CLNK: variants seen among roughly 807,000 people sequenced by gnomAD.
The protein encoded by CLNK is cytokine-dependent hematopoietic cell linker.
In CLNK, 74 loss-of-function variants were observed where a neutral mutation model predicts 68.6. The observed-to-expected ratio is 1.08, with a 90% CI of 0.89 to 1.31. The LOEUF (loss-of-function observed/expected upper bound fraction) is 1.31, where lower values mean the gene tolerates loss of function less well. Ranked by LOEUF, CLNK falls within the 50% of genes most tolerant of loss-of-function variation. The probability of loss-of-function intolerance (pLI) is 0.00; values close to 1 mark genes in which losing one functional copy is unlikely to be tolerated. For missense variants in CLNK, 553 were observed against 515.3 expected (o/e 1.07, Z -0.71); for synonymous variants, 198 against 172.2 (o/e 1.15, Z -1.17).
chr4:10,698,815 T>C, the CLNK span, among the ~76,000 whole-genome samples: 1 of 152,156 alleles, frequency 6.6e-6, no homozygotes, highest in Admixed American at 6.5e-5. Flanking sequence ...TGAATGAGAT[T>C]AACATGTGAG....
intron 18 of CLNK, among the ~76,000 whole-genome samples, chr4:10,491,889 T>G (rs535146803): frequency 6.6e-6 from 1 of 152,354 alleles, no homozygotes; most frequent in Non-Finnish European, 1.5e-5. Flanking sequence ...ATACATTGTA[T>G]GTACCCAGTA....
chr4:10,576,947 C>T (rs1384532681), intron 4 of CLNK, among the ~76,000 whole-genome samples: 1 of 152,166 alleles, frequency 6.6e-6, no homozygotes, highest in African/African-American at 2.4e-5. Context: ...CATCTATGCC[C>T]CCATTTAGTG....
rs374899640 is a variant in CLNK, at chr4:10,539,538, G to A, written c.602+956C>T. Reference sequence around the variant, plus strand: ...CTTCATTCTATGCAGAAACAAGGAGGAAATGCTGATCACTTTTCTGACTTT... The same window carrying A: ...CTTCATTCTATGCAGAAACAAGGAGAAAATGCTGATCACTTTTCTGACTTT... On this transcript the variant is annotated intron_variant, in intron 11 of 18. Transcript: ENST00000226951. Among the ~76,000 whole-genome samples the A allele has an allele frequency of 6.6e-5, 10 of 152,282 alleles. No individual in the cohort carries two copies. In the East Asian group the frequency reaches 1.4e-3, roughly 21 times the overall value.
At chr4:10,581,035 G>A (rs1720761948) in intron 4 of CLNK, among the ~76,000 whole-genome samples, 2 of 152,064 alleles carry the variant, frequency 1.3e-5, no homozygotes, top group Admixed American at 6.6e-5. Flanking sequence ...TATCTTTTAT[G>A]TTGTATTTCT....
At position 10,548,903 on chromosome 4, in the gene CLNK, G is replaced by A. The variant is rs142211324; in HGVS notation, c.446-6623C>T. The stretch of plus-strand genomic sequence containing the variant: ...GCATGTTTGGTGTACCACTGACCAC[G>A]ACAGCCCTGTCATGTAATTTGAAAT... On this transcript the variant is annotated intron_variant, in intron 8 of 18. Transcript: ENST00000226951. Among the ~76,000 whole-genome samples the A allele has an allele frequency of 2.4e-3, 365 of 152,306 alleles. 2 individuals are homozygous for A. Among genetic ancestry groups the A allele is most frequent in the South Asian group, 3.9e-3 (19 of 4,824 alleles).
chr4:10,640,346 G>A (rs985432908), intron 2 of CLNK, among the ~76,000 whole-genome samples: 1 of 152,088 alleles, frequency 6.6e-6, no homozygotes, highest in Non-Finnish European at 1.5e-5. Context: ...TGTATTTTTT[G>A]TAGAGGCAGG....
intron 18 of CLNK, among the ~76,000 whole-genome samples, chr4:10,497,055 T>C (rs915873705): frequency 6.6e-6 from 1 of 152,250 alleles, no homozygotes; most frequent in Non-Finnish European, 1.5e-5. Context: ...CAACTGGTAA[T>C]GGAAGTCAAT....
chr4:10,682,830 G>C (rs1369740767), intron 1 of CLNK, among the ~76,000 whole-genome samples: 1 of 152,060 alleles, frequency 6.6e-6, no homozygotes, highest in Admixed American at 6.6e-5. Flanking sequence ...GTATTCAAAG[G>C]CCTACATTAC....
intron 12 of CLNK, chr4:10,531,630 G>A (rs1718545494): frequency 2.5e-6 from 1 of 403,380 alleles, no homozygotes; most frequent in Admixed American, 3.0e-5. Flanking sequence ...TTGTAGAGAT[G>A]GGGTTTCTTC....
chr4:10,590,714 T>G (rs1721152802), intron 3 of CLNK, among the ~76,000 whole-genome samples: 1 of 152,144 alleles, frequency 6.6e-6, no homozygotes, highest in African/African-American at 2.4e-5. Context: ...CTTCTAAGAG[T>G]TACTCATTTT....
the CLNK span, among the ~76,000 whole-genome samples, chr4:10,720,842 C>T: frequency 1.3e-5 from 2 of 151,190 alleles, no homozygotes; most frequent in East Asian, 3.9e-4. Flanking sequence ...GCATTTATCC[C>T]AGAGAAATGA....
At chr4:10,725,906 G>A in the CLNK span, among the ~76,000 whole-genome samples, 14 of 152,056 alleles carry the variant, frequency 9.2e-5, no homozygotes, top group Non-Finnish European at 1.9e-4. Flanking sequence ...CTATAAATGC[G>A]GTATTGCAGA....
At chr4:10,671,955 T>G (rs751755337) in intron 1 of CLNK, among the ~76,000 whole-genome samples, 3 of 152,122 alleles carry the variant, frequency 2.0e-5, no homozygotes, top group African/African-American at 7.2e-5. Context: ...GTACGCAAAA[T>G]AGCTCGCTTT....
At chr4:10,582,614 G>A (rs573510504) in intron 4 of CLNK, among the ~76,000 whole-genome samples, 6 of 152,122 alleles carry the variant, frequency 3.9e-5, no homozygotes, top group Non-Finnish European at 7.4e-5. Context: ...ATCAGCCTCC[G>A]AGAAGGTATT....
the CLNK span, among the ~76,000 whole-genome samples, chr4:10,725,878 A>C: frequency 6.6e-6 from 1 of 151,884 alleles, no homozygotes; most frequent in Non-Finnish European, 1.5e-5. Flanking sequence ...AAAAGAAAAA[A>C]CGTTTAAAAG....
chr4:10,586,047 C>T (rs563887009), intron 3 of CLNK, among the ~76,000 whole-genome samples: 12 of 152,194 alleles, frequency 7.9e-5, no homozygotes, highest in East Asian at 7.7e-4. Context: ...CTCTCATGCA[C>T]GGTTCACGGT....
chr4:10,519,534 C>T (rs2012249), intron 15 of CLNK, among the ~76,000 whole-genome samples: 141,585 of 152,226 alleles, frequency 0.93, 66,202 homozygotes, highest in Non-Finnish European at 0.98. Context: ...GGATTGATTT[C>T]GTTGGGTTTA....
At chr4:10,660,770 C>A (rs1380385823) in intron 2 of CLNK, among the ~76,000 whole-genome samples, 2 of 152,222 alleles carry the variant, frequency 1.3e-5, no homozygotes, top group Non-Finnish European at 2.9e-5. Context: ...CACCGACCAT[C>A]TTTATTGAGT....
In CLNK at chr4:10,594,345, G is replaced by A. The variant is rs541145321; in HGVS notation, c.83+3633C>T. Among the ~76,000 whole-genome samples, 22 of 152,318 alleles carry A rather than the reference G, an allele frequency of 1.4e-4. No homozygotes were observed. The South Asian group carries it at 4.6e-3, about 32-fold the overall frequency. ...CTGTCACTTAGCGAGTAGGGGCAGA[G>A]TGGAATTCAAGCCCAGGGGCCTCTC... On this transcript the variant is annotated intron_variant, in intron 3 of 18. Transcript: ENST00000226951.
Sources: gnomAD v4.1 joint callset for allele counts (sites outside exome capture counted in the v4.1 genomes callset) on GRCh38, gnomAD v4.1.1 for gene constraint, MANE v1.5 for transcripts, NCBI Gene and HGNC (gene_info 2026-07-23, HGNC 2026-07-21) for gene names.